The following PSMA6 variants were observed in gnomAD, a reference collection of about 807,000 sequenced individuals.
The protein encoded by PSMA6 is proteasome subunit alpha type-6.
For synonymous variants in PSMA6, 88 were observed against 97.7 expected (o/e 0.90, Z 0.59); for missense variants, 170 against 294.8 (o/e 0.58, Z 3.10).
intron 1 of PSMA6, among the ~76,000 whole-genome samples, chr14:35,304,726 C>CAAA (rs34824477): frequency 8.1e-6 from 1 of 124,092 alleles, no homozygotes. Flanking sequence ...AACTCCATCT[C>CAAA]AAAAAAAAAA....
chr14:35,298,065 T>C (rs559320357), intron 1 of PSMA6, among the ~76,000 whole-genome samples: 3 of 152,234 alleles, frequency 2.0e-5, no homozygotes, highest in Non-Finnish European at 4.4e-5. Context: ...CTTTGACTAA[T>C]TTTTAACCTG....
In PSMA6 at chr14:35,297,527, TC is replaced by T. The variant is rs1205897309; in HGVS notation, c.76+4976del. Among the ~76,000 whole-genome samples the T allele has an allele frequency of 4.6e-5, 7 of 152,274 alleles. 1 individual carries two copies. Among genetic ancestry groups the T allele is most frequent in the Middle Eastern group, 6.8e-3 (2 of 294 alleles). On this transcript the variant is annotated intron_variant, in intron 1 of 6. Transcript: ENST00000261479. The stretch of plus-strand genomic sequence containing the variant: ...ACCGTGAGGCCTGTTTTTTAATAAC[TC>T]ATAGAATATGTATCTCTCAATTCAT...
intron 1 of PSMA6, among the ~76,000 whole-genome samples, chr14:35,282,509 T>A (rs2051376998): frequency 6.6e-6 from 1 of 152,056 alleles, no homozygotes; most frequent in African/African-American, 2.4e-5. Context: ...AATCCACTTA[T>A]CTCGGCCTTC....
rs2051886596 is a variant in PSMA6, at chr14:35,308,980, A to G, written c.238A>G (p.Met80Val). ...GATAACTGAAAACATTGGTTGTGTG[A>G]TGACCGGAATGACAGGTAATTAATC... ...FKITENIGCV[M>V]TGMTADSRSQ... Residue 80 changes from methionine to valine, a missense_variant, in exon 3 of 7, where the codon ATG (methionine) becomes GTG (valine). Met to Val is a conservative substitution (Grantham distance 21). Coordinates refer to ENST00000261479, the MANE Select transcript of PSMA6 (RefSeq NM_002791.3). 1.2e-6 allele frequency: 2 copies of G among 1,602,938 alleles called. No individual in the cohort carries two copies. Among genetic ancestry groups the G allele is most frequent in the East Asian group, 4.5e-5 (2 of 44,736 alleles).
intron 1 of PSMA6, among the ~76,000 whole-genome samples, chr14:35,296,061 G>A (rs1244219339): frequency 6.6e-6 from 1 of 152,130 alleles, no homozygotes; most frequent in African/African-American, 2.4e-5. Flanking sequence ...ACAAAGAAGG[G>A]AGCGTGCTGA....
chr14:35,298,153 C>T lies in PSMA6; in HGVS notation c.76+5601C>T, dbSNP rs560004439. 2.0e-5 allele frequency among the ~76,000 whole-genome samples: 3 copies of T among 152,036 alleles called. No homozygotes were observed. In the East Asian group the frequency reaches 5.8e-4, roughly 29 times the overall value. ...TATTTAAGATTTAGAAAATTGGGGGCTTGGAGTCGAGTTTAATGCATTATA... is the reference window on the plus strand; with the variant it reads ...TATTTAAGATTTAGAAAATTGGGGGTTTGGAGTCGAGTTTAATGCATTATA... On this transcript the variant is annotated intron_variant, in intron 1 of 6. Transcript: ENST00000261479.
intron 1 of PSMA6, among the ~76,000 whole-genome samples, chr14:35,300,807 A>G (rs892823379): frequency 2.6e-5 from 4 of 152,200 alleles, no homozygotes; most frequent in Non-Finnish European, 4.4e-5. Flanking sequence ...TTCTTGGGAA[A>G]GGGCAGGAGG....
At chr14:35,311,005 A>G (rs1405987267) in intron 4 of PSMA6, 110 bp downstream of exon 4, 3 of 1,077,446 alleles carry the variant, frequency 2.8e-6, no homozygotes, top group Non-Finnish European at 4.0e-6. Context: ...TGGTTTGGAA[A>G]ATACATAGAG....
chr14:35,314,389 T>C lies in PSMA6; in HGVS notation c.617T>C (p.Leu206Pro). 1 of 1,612,118 alleles carries C rather than the reference T, an allele frequency of 6.2e-7. No individual in the cohort carries two copies. Among genetic ancestry groups the C allele is most frequent in the Non-Finnish European group, 8.5e-7 (1 of 1,178,740 alleles). ...GCAATTACATGCCTGTCTACTGTTC[T>C]ATCAATTGATTTCAAACCTTCAGAA... ...ETAITCLSTV[L>P]SIDFKPSEIE... The change falls in exon 6 of 7, where the codon CTA becomes CCA. Residue 206 changes from leucine (L) to proline (P), a missense_variant. Coordinates refer to ENST00000261479, the MANE Select transcript of PSMA6 (RefSeq NM_002791.3).
chr14:35,307,604 C>T (rs1038319757), intron 1 of PSMA6, among the ~76,000 whole-genome samples: 2 of 151,814 alleles, frequency 1.3e-5, no homozygotes, highest in South Asian at 2.1e-4. Flanking sequence ...TGTGGTGGCA[C>T]GCGCCTATAA....
intron 2 of PSMA6, chr14:35,308,295 C>T (rs1463068078): frequency 1.2e-5 from 5 of 430,838 alleles, no homozygotes; most frequent in African/African-American, 2.0e-5. Flanking sequence ...GTGGCACATG[C>T]CTGTAATTCC....
In PSMA6 at chr14:35,297,319, C is replaced by T. The variant is rs1476287174; in HGVS notation, c.76+4767C>T. On this transcript the variant is annotated intron_variant, in intron 1 of 6. Transcript: ENST00000261479. ...CAAACTCCGCCTCCTGGGTTCACGC[C>T]GTTCTCCTGCCTCAGCCTCCTGAGT... Among the ~76,000 whole-genome samples, 8 of 151,760 alleles carry T rather than the reference C, an allele frequency of 5.3e-5. No individual in the cohort carries two copies. The East Asian group carries it at 9.7e-4, about 18-fold the overall frequency.
At chr14:35,295,685 C>T (rs1303111457) in intron 1 of PSMA6, among the ~76,000 whole-genome samples, 3 of 152,164 alleles carry the variant, frequency 2.0e-5, no homozygotes, top group African/African-American at 7.2e-5. Flanking sequence ...CTCCTGACTT[C>T]AGGTGATCCA....
upstream of PSMA6, among the ~76,000 whole-genome samples, chr14:35,288,420 C>A (rs1209128788): frequency 6.6e-6 from 1 of 152,182 alleles, no homozygotes; most frequent in Non-Finnish European, 1.5e-5. Flanking sequence ...ATCACTTGAA[C>A]CCAGGAGACG....
chr14:35,314,889 C>T (rs916552406), intron 6 of PSMA6: 1 of 151,924 alleles, frequency 6.6e-6, no homozygotes, highest in African/African-American at 2.4e-5. Flanking sequence ...AGACCCTTAT[C>T]TAGAGATCTT....
chr14:35,286,500 G>A (rs184899461), intron 1 of PSMA6, among the ~76,000 whole-genome samples: 4 of 152,234 alleles, frequency 2.6e-5, no homozygotes, highest in African/African-American at 4.8e-5. Context: ...GCTGAGCATC[G>A]GGTTTTCATT....
At chr14:35,301,048 T>G (rs1277404657) in intron 1 of PSMA6, among the ~76,000 whole-genome samples, 3 of 152,170 alleles carry the variant, frequency 2.0e-5, no homozygotes, top group Admixed American at 1.3e-4. Context: ...TAGCTAAATC[T>G]CTGGTTTAGG....
At chr14:35,289,666 A>G (rs767574153), upstream of PSMA6, among the ~76,000 whole-genome samples, 13 of 152,160 alleles carry the variant, frequency 8.5e-5, no homozygotes, top group Non-Finnish European at 1.3e-4. Context: ...AACAGAAAGA[A>G]AAAAGATACT....
At chr14:35,310,337 G>A (rs10140819) in intron 3 of PSMA6, 41,569 of 358,960 alleles carry the variant, frequency 0.12, 2,674 homozygotes, top group Middle Eastern at 0.17. Context: ...TATGTTTTTA[G>A]TAGAGACAGG....
Sources: allele counts gnomAD v4.1 joint callset (sites outside exome capture counted in the v4.1 genomes callset), GRCh38; gene constraint gnomAD v4.1.1; transcripts MANE v1.5; gene names NCBI Gene and HGNC (gene_info 2026-07-23, HGNC 2026-07-21).